PDE8A: variants seen among roughly 807,000 people sequenced by gnomAD.
The protein encoded by PDE8A is high affinity cAMP-specific and IBMX-insensitive 3',5'-cyclic phosphodiesterase 8A.
A neutral mutation model predicts 105.0 loss-of-function variants in PDE8A; 59 were observed. That is an observed-to-expected ratio of 0.56 (90% confidence interval 0.46 to 0.70). The LOEUF (loss-of-function observed/expected upper bound fraction) is 0.70. Among genes scored for constraint, PDE8A ranks in the 30% least tolerant of loss-of-function variants. The probability of loss-of-function intolerance (pLI) is 0.00; values close to 1 mark genes in which losing one functional copy is unlikely to be tolerated. For synonymous variants in PDE8A, 355 were observed against 371.9 expected (o/e 0.95, Z 0.52); for missense variants, 1,014 against 1,045.9 (o/e 0.97, Z 0.42).
rs185413509 is a variant in PDE8A at position 85,131,049 on chromosome 15, G to A, written c.2253+4675G>A. 6.0e-4 allele frequency among the ~76,000 whole-genome samples: 91 copies of A among 152,248 alleles called. 1 individual carries two copies. The East Asian group carries it at 0.016, about 27-fold the overall frequency. ...TGAGATTACAGGCCTGAGCCACCGC[G>A]CCTGGCCTGTAACAGTTTTTGACAT... is the stretch of plus-strand genomic sequence containing the variant. On this transcript the variant is annotated intron_variant, in intron 20 of 21. Transcript: ENST00000394553.
chr15:85,008,005 A>G (rs942586273), intron 1 of PDE8A, among the ~76,000 whole-genome samples: 1 of 152,060 alleles, frequency 6.6e-6, no homozygotes, highest in East Asian at 1.9e-4. Flanking sequence ...GCCCAGGGTG[A>G]TGGTAGTACT....
At chr15:85,000,064 T>G (rs2142175425) in intron 1 of PDE8A, among the ~76,000 whole-genome samples, 1 of 152,322 alleles carries the variant, frequency 6.6e-6, no homozygotes, top group South Asian at 2.1e-4. Flanking sequence ...TCTCTTTGGC[T>G]TTGGTACTTA....
In PDE8A at chr15:85,032,507, T is replaced by A. The variant is rs767620008; in HGVS notation, c.187-31863T>A. 4.6e-5 allele frequency among the ~76,000 whole-genome samples: 7 copies of A among 152,174 alleles called. No homozygotes were observed. The South Asian group carries it at 8.3e-4, about 18-fold the overall frequency. On this transcript the variant is annotated intron_variant, in intron 1 of 21. Transcript: ENST00000394553. ...GACTTCCTTGTTCTATTTCTAAAAG[T>A]CTGTGGAATAAACCCCTCATTTTCT... is the stretch of plus-strand genomic sequence containing the variant.
At position 85,017,708 on chromosome 15, in the gene PDE8A, G is replaced by A. The variant is rs574249990; in HGVS notation, c.186+35360G>A. On this transcript the variant is annotated intron_variant, in intron 1 of 21. Coordinates refer to ENST00000394553, the MANE Select transcript of PDE8A (RefSeq NM_002605.3). ...TCAAGACCAGCCTGGCCAACATGGTGAAACCCTGTCTCTACTAAAAATATA... is the reference window on the plus strand; with the variant it reads ...TCAAGACCAGCCTGGCCAACATGGTAAAACCCTGTCTCTACTAAAAATATA... Among the ~76,000 whole-genome samples, 6 of 152,050 alleles carry A rather than the reference G, an allele frequency of 3.9e-5. No individual in the cohort carries two copies. The South Asian group carries it at 1.2e-3, about 32-fold the overall frequency.
intron 11 of PDE8A, among the ~76,000 whole-genome samples, chr15:85,105,673 C>T (rs535252959): frequency 6.6e-6 from 1 of 152,272 alleles, no homozygotes; most frequent in Admixed American, 6.5e-5. Flanking sequence ...TTTTACAGAA[C>T]AGGAAGCCAA....
rs76523631 is a variant in PDE8A, at chr15:85,136,761, G to T, written c.2383+98G>T. On this transcript the variant is annotated intron_variant, in intron 21 of 21. Transcript: ENST00000394553. ...ATTTGACTGTAGAATATGATTTGGG[G>T]CCTGGGCTTTCAAGAACAAGAGCGA... 1.9e-3 allele frequency: 2,299 copies of T among 1,225,812 alleles called. 39 individuals carry two copies. The African/African-American group carries it at 0.031, about 16-fold the overall frequency. 75.9% of individuals were successfully genotyped at this position (1,225,812 alleles called of 1,614,324 possible). A position where few individuals can be genotyped will look rare whatever the true frequency, so the allele number is the denominator to read the frequency against.
intron 11 of PDE8A, among the ~76,000 whole-genome samples, chr15:85,107,122 CA>C (rs2081958506): frequency 6.6e-6 from 1 of 152,066 alleles, no homozygotes; most frequent in Non-Finnish European, 1.5e-5. Flanking sequence ...GAAGGTTTCC[CA>C]AAAGTTAGGA....
chr15:85,072,558 T>C (rs2081326857), intron 3 of PDE8A, among the ~76,000 whole-genome samples: 1 of 152,164 alleles, frequency 6.6e-6, no homozygotes, highest in African/African-American at 2.4e-5. Flanking sequence ...TTTCCTGCTA[T>C]CTGGAATGTG....
At chr15:85,076,307 G>A (rs114470809) in intron 4 of PDE8A, among the ~76,000 whole-genome samples, 175 of 151,976 alleles carry the variant, frequency 1.2e-3, no homozygotes, top group African/African-American at 4.1e-3. Context: ...AGAAGGGCAA[G>A]TATTCAAATT....
intron 18 of PDE8A, among the ~76,000 whole-genome samples, chr15:85,122,697 C>T (rs745720854): frequency 5.9e-5 from 9 of 152,312 alleles, no homozygotes; most frequent in East Asian, 3.9e-4. Flanking sequence ...CCTATGATTT[C>T]GCAGCTTTCA....
At chr15:84,999,750 A>G (rs1040555771) in intron 1 of PDE8A, among the ~76,000 whole-genome samples, 1 of 151,708 alleles carries the variant, frequency 6.6e-6, no homozygotes, top group Non-Finnish European at 1.5e-5. Context: ...AATTTTTTGT[A>G]TTTTTGGTAG....
chr15:85,120,952 G>C lies in PDE8A; in HGVS notation c.1890G>C (p.Ala630=), dbSNP rs760191600. Residue 630 remains alanine, a synonymous_variant, in exon 18 of 22, where the codon GCG becomes GCC. Transcript: ENST00000394553. ...CTGCTGTGCTGGAGAGCCACCATGCGGCCTTGGCCTTCCAGCTGACCACTG... is the reference window on the plus strand; with the variant it reads ...CTGCTGTGCTGGAGAGCCACCATGCCGCCTTGGCCTTCCAGCTGACCACTG... ...NDTAVLESHH[A]ALAFQLTTGD... 1.9e-6 allele frequency: 3 copies of C among 1,614,046 alleles called. No homozygotes were observed. The highest frequency in any genetic ancestry group is 2.2e-5 in the South Asian group (2 of 91,068).
At chr15:85,022,334 C>T (rs1176892158) in intron 1 of PDE8A, among the ~76,000 whole-genome samples, 2 of 151,976 alleles carry the variant, frequency 1.3e-5, no homozygotes, top group African/African-American at 2.4e-5. Context: ...AGTTCTCACC[C>T]ATGCTGGACG....
At position 85,123,080 on chromosome 15, in the gene PDE8A, C is replaced by T. The variant is rs199674218; in HGVS notation, c.1972C>T (p.Arg658Cys). The stretch of plus-strand genomic sequence containing the variant: ...AAACAGGAATGATTATCGGACACTG[C>T]GCCAGGGGATTATCGACATGGTCTT... Reference protein sequence around the residue: ...NMERNDYRTLRQGIIDMVLAT... With the variant: ...NMERNDYRTLCQGIIDMVLAT... The change falls in exon 19 of 22, where the codon CGC becomes TGC. Residue 658 changes from arginine (R) to cysteine (C), a missense_variant. Physicochemically the swap from Arg to Cys is radical, Grantham distance 180 (BLOSUM62 -3). Coordinates refer to ENST00000394553, the MANE Select transcript of PDE8A (RefSeq NM_002605.3). 1.4e-5 allele frequency: 23 copies of T among 1,613,778 alleles called. No homozygotes were observed. The highest frequency in any genetic ancestry group is 6.7e-5 in the Admixed American group (4 of 59,978).
chr15:84,993,561 A>C (rs1258195480), intron 1 of PDE8A, among the ~76,000 whole-genome samples: 2 of 151,366 alleles, frequency 1.3e-5, no homozygotes, highest in Non-Finnish European at 2.9e-5. Flanking sequence ...ATCCATGTAG[A>C]TTGCTTTAAA....
intron 1 of PDE8A, among the ~76,000 whole-genome samples, chr15:85,037,721 T>A (rs2080730730): frequency 6.6e-6 from 1 of 152,226 alleles, no homozygotes; most frequent in Non-Finnish European, 1.5e-5. Context: ...GTTCTTCTTA[T>A]TAATTATTAC....
intron 1 of PDE8A, among the ~76,000 whole-genome samples, chr15:84,990,134 C>T (rs867891021): frequency 2.6e-5 from 4 of 151,986 alleles, no homozygotes; most frequent in East Asian, 1.9e-4. Flanking sequence ...AAGGATTGCT[C>T]GAGCCCAGGT....
chr15:85,133,468 T>C (rs2082358234), intron 20 of PDE8A, among the ~76,000 whole-genome samples: 1 of 152,166 alleles, frequency 6.6e-6, no homozygotes, highest in African/African-American at 2.4e-5. Context: ...CAGACCAAGA[T>C]TGTACCACAC....
chr15:85,076,788 G>A lies in PDE8A; in HGVS notation c.546+1G>A. 6.5e-7 allele frequency: 1 copy of A among 1,540,222 alleles called. No homozygotes were observed. Among genetic ancestry groups the A allele is most frequent in the Non-Finnish European group, 9.0e-7 (1 of 1,112,772 alleles). On this transcript the variant is annotated splice_donor_variant, in intron 5 of 21. Coordinates refer to ENST00000394553, the MANE Select transcript of PDE8A (RefSeq NM_002605.3). LOFTEE classifies it high-confidence loss of function. ...TTTCATTTCTGCTGGATTTACAAGG[G>A]TATGTACTCACTTATTTGTTATACA...
Sources: allele counts gnomAD v4.1 joint callset (sites outside exome capture counted in the v4.1 genomes callset), GRCh38; gene constraint gnomAD v4.1.1; transcripts MANE v1.5; gene names NCBI Gene and HGNC (gene_info 2026-07-23, HGNC 2026-07-21).